The following HIPK3 variants were observed in gnomAD, a reference collection of about 807,000 sequenced individuals.
The protein encoded by HIPK3 is homeodomain interacting protein kinase 3.
HIPK3 carries 47 observed loss-of-function variants against 124.2 expected under a neutral mutation model. That is an observed-to-expected ratio of 0.38 (90% CI 0.30 to 0.48). The LOEUF is 0.48. HIPK3 is among the 20% of genes least tolerant of loss of function. The probability of loss-of-function intolerance (pLI) is 0.98; values close to 1 mark genes in which losing one functional copy is unlikely to be tolerated. For synonymous variants in HIPK3, 482 were observed against 515.2 expected (o/e 0.94, Z 0.87); for missense variants, 1,286 against 1,454.3 (o/e 0.88, Z 1.88).
chr11:33,330,953 G>A (rs145912475), intron 3 of HIPK3, among the ~76,000 whole-genome samples: 35 of 151,128 alleles, frequency 2.3e-4, no homozygotes, highest in Non-Finnish European at 2.7e-4. Flanking sequence ...GTTCCATCTC[G>A]GCTCACTGCA....
At chr11:33,331,413 A>G (rs1852979839) in intron 3 of HIPK3, among the ~76,000 whole-genome samples, 1 of 152,200 alleles carries the variant, frequency 6.6e-6, no homozygotes, top group South Asian at 2.1e-4. Flanking sequence ...TCAGTCTGTC[A>G]TCTAGGCTGG....
chr11:33,256,700 C>G, upstream of HIPK3: 1 of 983,946 alleles, frequency 1.0e-6, no homozygotes, highest in Non-Finnish European at 1.2e-6. Context: ...AGGAAAGAAA[C>G]TAGTCTTTGG....
intron 1 of HIPK3, among the ~76,000 whole-genome samples, chr11:33,262,943 A>G (rs912141462): frequency 6.6e-6 from 1 of 152,106 alleles, no homozygotes; most frequent in Admixed American, 6.5e-5. Flanking sequence ...TCAGTCTCCA[A>G]ATAGCTGAGA....
intron 3 of HIPK3, among the ~76,000 whole-genome samples, chr11:33,336,261 A>G (rs181638475): frequency 3.9e-4 from 60 of 152,302 alleles, no homozygotes; most frequent in African/African-American, 1.4e-3. Context: ...CAGAAATATT[A>G]AGTTCAGAAG....
intron 2 of HIPK3, among the ~76,000 whole-genome samples, chr11:33,301,188 T>G (rs541024460): frequency 3.3e-5 from 5 of 152,158 alleles, no homozygotes; most frequent in Non-Finnish European, 7.3e-5. Flanking sequence ...TTGGAATACA[T>G]TTAAAGGAGT....
intron 2 of HIPK3, 94 bp downstream of exon 2, chr11:33,287,605 C>T (rs1206033055): frequency 9.9e-6 from 13 of 1,314,388 alleles, no homozygotes; most frequent in Non-Finnish European, 1.3e-5. Flanking sequence ...GAAGAGACCA[C>T]TTCAGTTAAA....
chr11:33,306,177 A>G (rs1450634603), intron 2 of HIPK3, among the ~76,000 whole-genome samples: 1 of 152,218 alleles, frequency 6.6e-6, no homozygotes, highest in African/African-American at 2.4e-5. Flanking sequence ...TAACTCTTTT[A>G]CTTAATTTTT....
chr11:33,262,690 A>C (rs1261938345), intron 1 of HIPK3, among the ~76,000 whole-genome samples: 1 of 152,254 alleles, frequency 6.6e-6, no homozygotes, highest in Non-Finnish European at 1.5e-5. Flanking sequence ...TTCAACAGAA[A>C]GTCCTTGAAA....
intron 4 of HIPK3, 59 bp downstream of exon 4, chr11:33,337,253 A>AT: frequency 9.7e-7 from 1 of 1,030,412 alleles, no homozygotes; most frequent in Non-Finnish European, 1.4e-6. Flanking sequence ...CCTCATATGC[A>AT]TGGATAATAC....
At position 33,353,204 on chromosome 11, in the gene HIPK3, G is replaced by A; in HGVS notation, c.3284G>A (p.Gly1095Glu). ...AGTAATCCATTCACTCTTTCTCATG[G>A]AAGTCCCAATCACACAGCAGTGCAT... The part of the protein sequence containing the change: ...VTSNPFTLSH[G>E]SPNHTAVHAH... The change falls in exon 17 of 17, where the codon GGA (glycine) becomes GAA (glutamate). Residue 1095 changes from glycine (G) to glutamate (E), a missense_variant. Gly to Glu is a moderately conservative substitution (Grantham distance 98). Coordinates refer to ENST00000303296, the MANE Select transcript of HIPK3 (RefSeq NM_005734.5). 1 of 1,613,890 alleles carries A rather than the reference G, an allele frequency of 6.2e-7. No homozygotes were observed. Among genetic ancestry groups the A allele is most frequent in the Non-Finnish European group, 8.5e-7 (1 of 1,179,922 alleles).
At chr11:33,350,207 G>T (rs534585282) in intron 14 of HIPK3, among the ~76,000 whole-genome samples, 1 of 152,216 alleles carries the variant, frequency 6.6e-6, no homozygotes, top group Admixed American at 6.5e-5. Flanking sequence ...GTACTCACTG[G>T]CCCACTGTCT....
chr11:33,337,835 G>A (rs953520494), intron 4 of HIPK3, among the ~76,000 whole-genome samples: 3 of 151,016 alleles, frequency 2.0e-5, no homozygotes, highest in Non-Finnish European at 4.4e-5. Context: ...CACCATGCCT[G>A]GCTAATTTTT....
chr11:33,280,870 G>A (rs1483242759), intron 1 of HIPK3, among the ~76,000 whole-genome samples: 1 of 151,954 alleles, frequency 6.6e-6, no homozygotes, highest in Non-Finnish European at 1.5e-5. Context: ...AGACTTGGGG[G>A]CCCTGATTTG....
At chr11:33,350,400 C>G (rs1853621691) in intron 14 of HIPK3, among the ~76,000 whole-genome samples, 1 of 152,014 alleles carries the variant, frequency 6.6e-6, no homozygotes, top group African/African-American at 2.4e-5. Flanking sequence ...GGCACAGTGG[C>G]CAACACTTGT....
chr11:33,311,975 T>TATACACACAC (rs1852361956), intron 2 of HIPK3, among the ~76,000 whole-genome samples: 1 of 137,082 alleles, frequency 7.3e-6, no homozygotes, highest in Admixed American at 7.2e-5. Context: ...ACCCTGTTTC[T>TATACACACAC]ACACACACAC....
Position 33,352,157 on chromosome 11 carries a change from A to T in HIPK3, c.3063A>T (p.Leu1021Phe), listed in dbSNP as rs1047110856. 1 of 1,613,718 alleles carries T rather than the reference A, an allele frequency of 6.2e-7. No homozygotes were observed. Among genetic ancestry groups the T allele is most frequent in the Admixed American group, 1.7e-5 (1 of 60,014 alleles). The part of the protein sequence containing the change: ...MANTDSICQP[L>F]IKGRSAPGRL... ...CGCCAGATTCTATATGCCAGCCATT[A>T]ATAAAAGGACGATCTGCCCCTGGAA... The change falls in exon 16 of 17, where the codon TTA (leucine) becomes TTT (phenylalanine). Residue 1021 changes from leucine (L) to phenylalanine (F), a missense_variant. By Grantham distance (22) the Leu-to-Phe change is conservative. Around this residue, in one of 3 missense-constraint regions of HIPK3, gnomAD observed 810 missense variants for 864.9 expected, o/e 0.94. Transcript: ENST00000303296.
intron 3 of HIPK3, among the ~76,000 whole-genome samples, chr11:33,329,866 A>G (rs1345173612): frequency 6.6e-6 from 1 of 152,230 alleles, no homozygotes; most frequent in South Asian, 2.1e-4. Context: ...AAAATGCTAG[A>G]AATACACCCT....
chr11:33,326,754 T>A (rs1242585129), intron 2 of HIPK3, among the ~76,000 whole-genome samples: 1 of 151,784 alleles, frequency 6.6e-6, no homozygotes, highest in East Asian at 1.9e-4. Flanking sequence ...TCACTGCAGC[T>A]TGGACCTCCT....
intron 1 of HIPK3, 141 bp downstream of exon 1, chr11:33,258,030 C>G (rs571907591): frequency 3.0e-6 from 2 of 663,090 alleles, no homozygotes; most frequent in Non-Finnish European, 3.6e-6. Flanking sequence ...TTGCGCGTCC[C>G]GTGCCCCATC....
Sources: allele counts gnomAD v4.1 joint callset (sites outside exome capture counted in the v4.1 genomes callset), GRCh38; gene constraint gnomAD v4.1.1; regional missense constraint gnomAD v4.1.1; transcripts MANE v1.5; gene names NCBI Gene and HGNC (gene_info 2026-07-23, HGNC 2026-07-21).